Variants in RPS2 observed in about 807,000 individuals in gnomAD.
The protein encoded by RPS2 is small ribosomal subunit protein uS5.
Under a neutral mutation model 25.3 loss-of-function variants are expected in RPS2, and 8 were observed. That is an observed-to-expected ratio of 0.32 (90% CI 0.19 to 0.57). The LOEUF (loss-of-function observed/expected upper bound fraction) is 0.57. Ranked by LOEUF, RPS2 falls within the 20% of genes least tolerant of loss-of-function variation. RPS2 has a pLI of 0.90. For missense variants in RPS2, 229 were observed against 408.1 expected, an observed-to-expected ratio of 0.56 and a Z score of 3.78; for synonymous variants, 181 against 161.3, an observed-to-expected ratio of 1.12 and a Z score of -0.92.
At chr16:1,963,861 C>A in intron 3 of RPS2, 1 of 441,582 alleles carries the variant, frequency 2.3e-6, no homozygotes. Context: ...GCTCACATGA[C>A]AAATATGCCA....
Position 1,964,645 on chromosome 16 carries a change from G to A in RPS2, c.-3-17C>T. ...CGCCATTTGCTGGGAAAAGCGACAA[G>A]AAGGAACTAGTCAGTGTGGCCTACG... is the stretch of plus-strand genomic sequence containing the variant. On this transcript the variant is annotated splice_polypyrimidine_tract_variant and intron_variant, in intron 1 of 6. Coordinates refer to ENST00000343262, the MANE Select transcript of RPS2 (RefSeq NM_002952.4). 7.6e-7 allele frequency: 1 copy of A among 1,308,574 alleles called. No homozygotes were observed. The allele number at this position is 1,308,574 out of a possible 1,614,324, so 81.1% of individuals were successfully genotyped here.
chr16:1,964,165 G>A (rs1251498308), intron 3 of RPS2, 111 bp downstream of exon 3: 43 of 808,830 alleles, frequency 5.3e-5, no homozygotes, highest in Admixed American at 2.1e-5. Flanking sequence ...AACCTCTCAC[G>A]CGAGACGCTG....
chr16:1,964,075 T>C, intron 3 of RPS2: 1 of 589,226 alleles, frequency 1.7e-6, no homozygotes, highest in Non-Finnish European at 3.0e-6. Flanking sequence ...TGAAATGCCT[T>C]TTGTGGCTCT....
At chr16:1,963,127 C>A in intron 4 of RPS2, 22 bp downstream of exon 4, 1 of 1,577,736 alleles carries the variant, frequency 6.3e-7, no homozygotes, top group Non-Finnish European at 8.7e-7. Context: ...CCAGCGCAGC[C>A]CCCTCCAGGA....
intron 3 of RPS2, chr16:1,963,542 G>A: frequency 2.7e-6 from 1 of 365,174 alleles, no homozygotes; most frequent in South Asian, 2.2e-5. Context: ...CTTGAACCTG[G>A]GAGGTGGAGG....
rs966108742 is a variant in RPS2, at chr16:1,963,607, G to T, written c.268-351C>A. On this transcript the variant is annotated intron_variant, in intron 3 of 6. Transcript: ENST00000343262. ...GGCGATAGGGCGAAACTGTGTAACC[G>T]CCCACCCCGCCCAAAAAAAACCGAA... 2.7e-5 allele frequency: 9 copies of T among 337,694 alleles called. No homozygotes were observed. In the Admixed American group the frequency reaches 3.6e-4, roughly 13 times the overall value. The allele number at this position is 337,694 out of a possible 1,614,324, so 20.9% of individuals were successfully genotyped here. A position where few individuals can be genotyped will look rare whatever the true frequency, so the allele number is the denominator to read the frequency against.
intron 3 of RPS2, chr16:1,963,812 T>C (rs1168783000): frequency 2.2e-6 from 1 of 458,596 alleles, no homozygotes; most frequent in Non-Finnish European, 4.4e-6. Flanking sequence ...TTGTCCAGCT[T>C]TGGCCTAGCC....
At chr16:1,962,389 A>T (rs2083264799) in intron 6 of RPS2, 108 bp downstream of exon 6, 1 of 1,378,824 alleles carries the variant, frequency 7.3e-7, no homozygotes, top group African/African-American at 1.4e-5. Flanking sequence ...GTCGTGCATT[A>T]GGAGAGCCTT....
At position 1,962,568 on chromosome 16, in the gene RPS2, A is replaced by G; in HGVS notation, c.638T>C (p.Leu213Pro). 6.2e-7 allele frequency: 1 copy of G among 1,611,408 alleles called. No homozygotes were observed. Among genetic ancestry groups the G allele is most frequent in the South Asian group, 1.1e-5 (1 of 91,004 alleles). The change falls in exon 6 of 7, where the codon CTG becomes CCG. Residue 213 changes from leucine to proline, a missense_variant. Coordinates refer to ENST00000343262, the MANE Select transcript of RPS2 (RefSeq NM_002952.4). ...GIVSAPVPKK[L>P]LMMAGIDDCY... Reference sequence around the variant, plus strand: ...GTCATCGATACCAGCCATCATGAGCAGCTTCTTAGGCACAGGTGCGGAGAC... The same window carrying G: ...GTCATCGATACCAGCCATCATGAGCGGCTTCTTAGGCACAGGTGCGGAGAC...
In RPS2 at chr16:1,963,058, G is replaced by A. The variant is rs747440346; in HGVS notation, c.375+91C>T. On this transcript the variant is annotated intron_variant, in intron 4 of 6. Transcript: ENST00000343262. ...GATCTTTTCTCTCTCTCCCCGTTAC[G>A]AAAGTCACACGGGTGAAGCCAAGTG... 37 of 1,371,946 alleles carry A rather than the reference G, an allele frequency of 2.7e-5. No homozygotes were observed. In the African/African-American group the frequency reaches 3.7e-4, roughly 14 times the overall value. 85.0% of individuals were successfully genotyped at this position (1,371,946 alleles called of 1,614,324 possible). A position where few individuals can be genotyped will look rare whatever the true frequency, so the allele number is the denominator to read the frequency against.
At chr16:1,964,665 CCTACGCATCTG>C (rs746273439) in intron 1 of RPS2, 37 bp from the exon 2 acceptor site, 153 of 1,130,720 alleles carry the variant, frequency 1.4e-4, no homozygotes, top group Non-Finnish European at 1.9e-4. Flanking sequence ...GTCAGTGTGG[CCTACGCATCTG>C]GCAGCCCCCC....
chr16:1,963,563 C>A, intron 3 of RPS2: 1 of 358,244 alleles, frequency 2.8e-6, no homozygotes, highest in Non-Finnish European at 5.4e-6. Flanking sequence ...TTGCAGTGAG[C>A]CGAGATCACG....
chr16:1,963,342 G>C, intron 3 of RPS2, 86 bp from the exon 4 acceptor site: 3 of 874,832 alleles, frequency 3.4e-6, no homozygotes, highest in African/African-American at 1.7e-5. Context: ...TCACGGCCGG[G>C]GGCGGTGGCT....
intron 3 of RPS2, chr16:1,963,710 T>A: frequency 2.3e-6 from 1 of 432,212 alleles, no homozygotes; most frequent in South Asian, 1.6e-5. Flanking sequence ...TATGTAAGGT[T>A]ACCCTATTTC....
rs1428215411 is a variant in RPS2, at chr16:1,964,330, C to G, written c.213G>C (p.Lys71Asn). Residue 71 changes from lysine (K) to asparagine (N), a missense_variant, in exon 3 of 7, where the codon AAG becomes AAC. By Grantham distance (94) the Lys-to-Asn change is moderately conservative. Around this residue, in one of 7 missense-constraint regions of RPS2, gnomAD observed 70 missense variants for 119.0 expected, o/e 0.59. Coordinates refer to ENST00000343262, the MANE Select transcript of RPS2 (RefSeq NM_002952.4). Reference protein sequence around the residue: ...MPVTKLGRLVKDMKIKSLEEI... With the variant: ...MPVTKLGRLVNDMKIKSLEEI... The stretch of plus-strand genomic sequence containing the variant: ...CCTCCAGGGACTTGATCTTCATGTC[C>G]TTGACCAAGCGGCCCAACTTGGTGA... 6.2e-7 allele frequency: 1 copy of G among 1,613,454 alleles called. No individual in the cohort carries two copies. The highest frequency in any genetic ancestry group is 8.5e-7 in the Non-Finnish European group (1 of 1,179,968).
intron 4 of RPS2, 49 bp from the exon 5 acceptor site, chr16:1,962,958 TGCCCACC>T: frequency 6.3e-7 from 1 of 1,583,740 alleles, no homozygotes; most frequent in Non-Finnish European, 8.6e-7. Flanking sequence ...ACCCAATCAC[TGCCCACC>T]GCCCAGGGCC....
intron 3 of RPS2, chr16:1,963,807 C>G (rs1292107188): frequency 2.0e-5 from 9 of 458,026 alleles, no homozygotes; most frequent in Non-Finnish European, 3.1e-5. Context: ...TTGCTTTGTC[C>G]AGCTTTGGCC....
chr16:1,962,967 C>A (rs758164307), intron 4 of RPS2, 58 bp from the exon 5 acceptor site: 3 of 1,570,064 alleles, frequency 1.9e-6, no homozygotes, highest in African/African-American at 1.3e-5. Flanking sequence ...CTGCCCACCG[C>A]CCAGGGCCTG....
chr16:1,962,454 G>C (rs367819976), intron 6 of RPS2, 43 bp downstream of exon 6: 30 of 1,585,950 alleles, frequency 1.9e-5, no homozygotes, highest in Non-Finnish European at 2.4e-5. Flanking sequence ...TGGTTAAGCG[G>C]AGCTGAGAGA....
Sources: gnomAD v4.1 joint callset for allele counts on GRCh38, gnomAD v4.1.1 for gene constraint, gnomAD v4.1.1 regional missense constraint, MANE v1.5 for transcripts, NCBI Gene and HGNC (gene_info 2026-07-23, HGNC 2026-07-21) for gene names.